SLC14A2: variants seen among roughly 807,000 people sequenced by gnomAD.
The protein encoded by SLC14A2 is urea transporter 2.
A neutral mutation model predicts 104.6 loss-of-function variants in SLC14A2; 91 were observed. The ratio of observed to expected loss-of-function variants is 0.87; its 90% CI spans 0.73 to 1.04. The LOEUF is 1.04. Among genes scored for constraint, SLC14A2 ranks in the 50% least tolerant of loss-of-function variants. The pLI is 0.00. For synonymous variants in SLC14A2, 476 were observed against 466.4 expected (o/e 1.02, Z -0.27); for missense variants, 1,189 against 1,156.0 (o/e 1.03, Z -0.41).
chr18:45,629,093 G>C (rs763870435), intron 4 of SLC14A2, among the ~76,000 whole-genome samples: 3 of 152,218 alleles, frequency 2.0e-5, no homozygotes, highest in Non-Finnish European at 4.4e-5. Flanking sequence ...CATGGCACCT[G>C]TGAGGACAAC....
chr18:45,516,999 C>A (rs1382870820), intron 2 of SLC14A2, among the ~76,000 whole-genome samples: 1 of 152,238 alleles, frequency 6.6e-6, no homozygotes, highest in Non-Finnish European at 1.5e-5. Context: ...AGAGCTATTT[C>A]TTCTCTCTCC....
At chr18:45,347,087 G>A (rs1425271114) in intron 1 of SLC14A2, among the ~76,000 whole-genome samples, 1 of 151,996 alleles carries the variant, frequency 6.6e-6, no homozygotes, top group Non-Finnish European at 1.5e-5. Flanking sequence ...CCTGCGTGGT[G>A]GCTCATGCCT....
At chr18:45,574,730 C>T (rs946910418) in intron 2 of SLC14A2, among the ~76,000 whole-genome samples, 1 of 152,206 alleles carries the variant, frequency 6.6e-6, no homozygotes, top group Non-Finnish European at 1.5e-5. Flanking sequence ...TTTTCATCAA[C>T]CGAAAAGCAA....
Position 45,669,315 on chromosome 18 carries a change from C to T in SLC14A2, c.2046C>T (p.Leu682=). The T allele has an allele frequency of 6.2e-7, 1 of 1,612,692 alleles. No individual in the cohort carries two copies. Residue 682 remains leucine (L), a synonymous_variant, in exon 16 of 20, where the codon CTC becomes CTT. Coordinates refer to ENST00000255226, the MANE Select transcript of SLC14A2 (RefSeq NM_007163.4). ...ATGCTTCTGCCATCAGCCCCATCCT[C>T]TCCAGTGCCCTGGGTACCATCTTCA... ...VIIMSMSCPI[L]SSALGTIFSK...
chr18:45,227,289 G>A (rs2084129064), intron 1 of SLC14A2, among the ~76,000 whole-genome samples: 1 of 152,148 alleles, frequency 6.6e-6, no homozygotes, highest in Admixed American at 6.5e-5. Context: ...CTGGGCATTG[G>A]ATGGTCAAAA....
intron 1 of SLC14A2, among the ~76,000 whole-genome samples, chr18:45,214,914 TAAA>T (rs11332986): frequency 0.26 from 29,203 of 113,942 alleles, 3,375 homozygotes; most frequent in African/African-American, 0.33. Flanking sequence ...ACCATGTCTT[TAAA>T]AAAAAAAAAA....
intron 1 of SLC14A2, among the ~76,000 whole-genome samples, chr18:45,336,882 T>C (rs1233285455): frequency 6.6e-6 from 1 of 152,186 alleles, no homozygotes; most frequent in Non-Finnish European, 1.5e-5. Flanking sequence ...AGTCAATTGA[T>C]TGACCAGCAA....
At chr18:45,447,848 C>G (rs1285423824) in intron 1 of SLC14A2, among the ~76,000 whole-genome samples, 4 of 152,156 alleles carry the variant, frequency 2.6e-5, no homozygotes, top group African/African-American at 4.8e-5. Flanking sequence ...GGCAGTGCAG[C>G]CTTTTGCATG....
At chr18:45,358,853 C>T (rs1292445371) in intron 1 of SLC14A2, among the ~76,000 whole-genome samples, 3 of 152,268 alleles carry the variant, frequency 2.0e-5, no homozygotes, top group East Asian at 3.9e-4. Flanking sequence ...GCTGGGATTA[C>T]AGGCATGAGA....
chr18:45,178,958 A>C, the SLC14A2 span, among the ~76,000 whole-genome samples: 1 of 152,192 alleles, frequency 6.6e-6, no homozygotes, highest in Non-Finnish European at 1.5e-5. Context: ...GAAAACTACT[A>C]CAAGTCTACA....
chr18:45,560,895 C>G (rs1250722095), intron 2 of SLC14A2, among the ~76,000 whole-genome samples: 1 of 152,108 alleles, frequency 6.6e-6, no homozygotes, highest in Non-Finnish European at 1.5e-5. Flanking sequence ...CCTCATTGGG[C>G]TCCTAGAGGA....
At chr18:45,317,447 T>C (rs1400177672) in intron 1 of SLC14A2, among the ~76,000 whole-genome samples, 1 of 152,236 alleles carries the variant, frequency 6.6e-6, no homozygotes, top group Non-Finnish European at 1.5e-5. Flanking sequence ...ACTAGCTATG[T>C]AATTTACAGT....
intron 2 of SLC14A2, chr18:45,493,151 A>G (rs774287727): frequency 2.6e-5 from 4 of 152,240 alleles, no homozygotes; most frequent in African/African-American, 9.6e-5. Context: ...AGACCACTTC[A>G]TCCCACTGTC....
intron 1 of SLC14A2, among the ~76,000 whole-genome samples, chr18:45,291,496 C>A (rs935305032): frequency 6.6e-6 from 1 of 152,080 alleles, no homozygotes; most frequent in Non-Finnish European, 1.5e-5. Context: ...ACTTATTGCC[C>A]CTGGTTACGC....
At chr18:45,682,056 T>G (rs978243732) in intron 19 of SLC14A2, among the ~76,000 whole-genome samples, 5 of 152,194 alleles carry the variant, frequency 3.3e-5, no homozygotes, top group African/African-American at 1.2e-4. Flanking sequence ...AAAGGCATAT[T>G]ATGTTCTGAT....
At chr18:45,418,217 G>T (rs1325392294) in intron 1 of SLC14A2, among the ~76,000 whole-genome samples, 2 of 152,094 alleles carry the variant, frequency 1.3e-5, no homozygotes, top group African/African-American at 4.8e-5. Context: ...AGCAATAAAA[G>T]AAATCTGATT....
intron 1 of SLC14A2, among the ~76,000 whole-genome samples, chr18:45,290,792 T>G (rs1032903820): frequency 6.6e-6 from 1 of 152,232 alleles, no homozygotes; most frequent in Non-Finnish European, 1.5e-5. Context: ...TTATTTAATG[T>G]GGCTACTAGA....
In SLC14A2 at chr18:45,315,171, C is replaced by A. The variant is rs552362669; in HGVS notation, c.-125+101980C>A. On this transcript the variant is annotated intron_variant, in intron 1 of 20. Coordinates refer to the SLC14A2 transcript ENST00000586448. The stretch of plus-strand genomic sequence containing the variant: ...AGGAAGCTTCAGGAGGCAGGGGAAC[C>A]TACAGGGGCCTCCAGAAGGGAGAAG... 4.6e-5 allele frequency among the ~76,000 whole-genome samples: 7 copies of A among 152,220 alleles called. No individual in the cohort carries two copies. The South Asian group carries it at 1.0e-3, about 23-fold the overall frequency.
chr18:45,232,889 T>C (rs1464464767), intron 1 of SLC14A2, among the ~76,000 whole-genome samples: 2 of 152,192 alleles, frequency 1.3e-5, no homozygotes, highest in African/African-American at 2.4e-5. Flanking sequence ...TTCCAACCTG[T>C]GTGTAACTGG....
Sources: allele counts gnomAD v4.1 joint callset (sites outside exome capture counted in the v4.1 genomes callset), GRCh38; gene constraint gnomAD v4.1.1; transcripts MANE v1.5; gene names NCBI Gene and HGNC (gene_info 2026-07-23, HGNC 2026-07-21).